The following HMGXB3 variants were observed in gnomAD, a reference collection of about 807,000 sequenced individuals.
The protein encoded by HMGXB3 is HMG domain-containing protein 3.
In HMGXB3, 45 loss-of-function variants were observed where a neutral mutation model predicts 121.5. That is an observed-to-expected ratio of 0.37 (90% CI 0.29 to 0.47). The LOEUF (loss-of-function observed/expected upper bound fraction) is 0.47. Among genes scored for constraint, HMGXB3 ranks in the 20% least tolerant of loss-of-function variants. The pLI is 0.99. For missense variants in HMGXB3, 1,376 were observed against 1,602.2 expected, an observed-to-expected ratio of 0.86 and a Z score of 2.41; for synonymous variants, 590 against 624.1, an observed-to-expected ratio of 0.95 and a Z score of 0.81.
chr5:150,028,168 C>G (rs1433673972), intron 9 of HMGXB3, among the ~76,000 whole-genome samples: 13 of 152,014 alleles, frequency 8.6e-5, no homozygotes, highest in Non-Finnish European at 1.5e-5. Flanking sequence ...CAGGAAGACT[C>G]AAAGCAGGGA....
Position 150,045,631 on chromosome 5 carries a change from G to A in HMGXB3, c.2896G>A (p.Ala966Thr). ...APFFPPLMRG[A>T]VVVNTEKDKN... Reference sequence around the variant, plus strand: ...CTTCTTCCCACCACTCATGAGAGGAGCTGTGGTCGTCAACACTGAGAAAGA... The same window carrying A: ...CTTCTTCCCACCACTCATGAGAGGAACTGTGGTCGTCAACACTGAGAAAGA... The change falls in exon 16 of 20, where the codon GCT becomes ACT. Residue 966 changes from alanine to threonine, a missense_variant. Ala to Thr is a moderately conservative substitution (Grantham distance 58). Transcript: ENST00000502717. 2 of 1,551,824 alleles carry A rather than the reference G, an allele frequency of 1.3e-6. No homozygotes were observed. The highest frequency in any genetic ancestry group is 1.7e-6 in the Non-Finnish European group (2 of 1,147,028).
Position 150,037,415 on chromosome 5 carries a change from C to T in HMGXB3, c.2301C>T (p.Pro767=). ...CTGGTACTAGCTCCCTGGCTGGGCC[C>T]CAGGAGTGCTGGCTGCTGACAGCCA... The part of the protein sequence containing the change: ...FKGGQNSLAG[P]QECWLLTASR... The change falls in exon 13 of 20, where the codon CCC becomes CCT. Residue 767 remains proline (P), a synonymous_variant. Coordinates refer to ENST00000502717, the MANE Select transcript of HMGXB3 (RefSeq NM_014983.3). 1 of 1,549,676 alleles carries T rather than the reference C, an allele frequency of 6.5e-7. No homozygotes were observed. The highest frequency in any genetic ancestry group is 8.7e-7 in the Non-Finnish European group (1 of 1,145,862).
chr5:150,038,032 A>G (rs546817096), intron 13 of HMGXB3, among the ~76,000 whole-genome samples: 1 of 152,330 alleles, frequency 6.6e-6, no homozygotes, highest in East Asian at 1.9e-4. Context: ...GACCATTTTT[A>G]TAGGGATGTA....
rs2113726686 is a variant in HMGXB3 at position 150,010,129 on chromosome 5, C to T, written c.331C>T (p.Leu111=). The T allele has an allele frequency of 2.6e-6, 4 of 1,551,424 alleles. No homozygotes were observed. In the East Asian group the frequency reaches 7.3e-5, roughly 28 times the overall value. ...GLDPNSKLSA[L]TAVVPDIPGF... is the part of the protein sequence containing the mutation. ...TCCTCAGAACTCTAAGCTCTCTGCA[C>T]TGACTGCTGTGGTTCCGGACATCCC... Residue 111 remains leucine (L), a synonymous_variant, in exon 4 of 20, where the codon CTG becomes TTG. Transcript: ENST00000502717.
intron 6 of HMGXB3, 81 bp downstream of exon 6, chr5:150,018,778 A>G (rs1756016486): frequency 7.6e-7 from 1 of 1,318,426 alleles, no homozygotes. Flanking sequence ...GTGATTTTTA[A>G]AAAGTTAACA....
At chr5:150,009,475 A>G (rs930068342) in intron 3 of HMGXB3, among the ~76,000 whole-genome samples, 3 of 152,122 alleles carry the variant, frequency 2.0e-5, no homozygotes, top group Admixed American at 6.5e-5. Flanking sequence ...AACCCCTTCT[A>G]TATATACTTT....
At chr5:150,022,531 C>T (rs764467551) in intron 6 of HMGXB3, among the ~76,000 whole-genome samples, 4 of 152,100 alleles carry the variant, frequency 2.6e-5, no homozygotes, top group African/African-American at 9.7e-5. Flanking sequence ...GTGAGATCAC[C>T]AGGTAGAGTT....
intron 4 of HMGXB3, 131 bp downstream of exon 4, chr5:150,010,739 C>T: frequency 2.2e-6 from 2 of 893,348 alleles, no homozygotes; most frequent in Non-Finnish European, 1.7e-6. Context: ...TACTGCAGTT[C>T]TCTTGAATGT....
At chr5:150,046,613 C>A (rs930224186) in intron 16 of HMGXB3, among the ~76,000 whole-genome samples, 1 of 152,008 alleles carries the variant, frequency 6.6e-6, no homozygotes, top group Non-Finnish European at 1.5e-5. Flanking sequence ...GAGATCGAGA[C>A]CATCCTGGCT....
At chr5:150,032,285 G>A (rs1437095596) in intron 10 of HMGXB3, among the ~76,000 whole-genome samples, 169 bp from the exon 11 acceptor site, 1 of 152,244 alleles carries the variant, frequency 6.6e-6, no homozygotes, top group Non-Finnish European at 1.5e-5. Context: ...TGTATTAAAA[G>A]TAAAAGAGTT....
At chr5:150,031,480 G>A (rs1047480629) in intron 10 of HMGXB3, among the ~76,000 whole-genome samples, 1 of 152,204 alleles carries the variant, frequency 6.6e-6, no homozygotes, top group Admixed American at 6.5e-5. Context: ...ATATGCCACT[G>A]GGCAAGATTC....
chr5:150,023,765 A>G (rs1756156787), intron 6 of HMGXB3, among the ~76,000 whole-genome samples: 2 of 152,254 alleles, frequency 1.3e-5, no homozygotes, highest in South Asian at 4.1e-4. Context: ...ATCTGGGACA[A>G]AAAACAGAAT....
chr5:150,048,485 G>A, intron 17 of HMGXB3, 84 bp from the exon 18 acceptor site: 1 of 929,584 alleles, frequency 1.1e-6, no homozygotes. Flanking sequence ...TGCTTTGGGT[G>A]TTGGGTGAGT....
intron 14 of HMGXB3, 83 bp downstream of exon 14, chr5:150,040,962 C>A: frequency 7.9e-7 from 1 of 1,262,282 alleles, no homozygotes; most frequent in Non-Finnish European, 1.1e-6. Context: ...TTAAAAGACT[C>A]ATTTTGAAGA....
Position 150,000,745 on chromosome 5 carries a change from T to C in HMGXB3, c.-437T>C, listed in dbSNP as rs1755537106. On this transcript the variant is annotated 5_prime_UTR_variant, in exon 1 of 20. Transcript: ENST00000502717. ...CGGGACGGGTCTCCCTGGCGATCCG[T>C]GGTGTGCCGCTACTGCCGGTGCAGC... is the stretch of plus-strand genomic sequence containing the variant. The C allele has an allele frequency of 6.5e-6, 1 of 154,476 alleles. No individual in the cohort carries two copies. The highest frequency in any genetic ancestry group is 6.5e-5 in the Admixed American group (1 of 15,274). 9.6% of individuals were successfully genotyped at this position (154,476 alleles called of 1,614,324 possible). A position where few individuals can be genotyped will look rare whatever the true frequency, so the allele number is the denominator to read the frequency against.
intron 13 of HMGXB3, among the ~76,000 whole-genome samples, chr5:150,040,062 G>A (rs963336053): frequency 1.3e-5 from 2 of 152,188 alleles, no homozygotes; most frequent in Non-Finnish European, 2.9e-5. Flanking sequence ...CTTTCCCCAG[G>A]TGAAGTTGTG....
chr5:150,051,751 C>T lies in HMGXB3; in HGVS notation c.3438C>T (p.Asp1146=), dbSNP rs1225475663. Residue 1146 remains aspartate (D), a synonymous_variant, in exon 20 of 20, where the codon GAC becomes GAT. Coordinates refer to ENST00000502717, the MANE Select transcript of HMGXB3 (RefSeq NM_014983.3). ...GTGTGTCCTGCCCAGAGCTCTTGGA[C>T]CAGCATTATACTGTGGACATGACAG... The part of the protein sequence containing the change: ...PVSVSCPELL[D]QHYTVDMTET... 5 of 1,533,488 alleles carry T rather than the reference C, an allele frequency of 3.3e-6. No homozygotes were observed. In the East Asian group the frequency reaches 7.4e-5, roughly 23 times the overall value. The allele number at this position is 1,533,488 out of a possible 1,614,324, so 95.0% of individuals were successfully genotyped here. A position where few individuals can be genotyped will look rare whatever the true frequency, so the allele number is the denominator to read the frequency against.
chr5:150,035,718 A>C (rs1224660799), intron 11 of HMGXB3, among the ~76,000 whole-genome samples: 1 of 152,174 alleles, frequency 6.6e-6, no homozygotes, highest in Admixed American at 6.5e-5. Context: ...GGAGTGATTT[A>C]TGCTGCCTTG....
At chr5:150,011,358 C>T (rs1755832039) in intron 4 of HMGXB3, among the ~76,000 whole-genome samples, 1 of 152,160 alleles carries the variant, frequency 6.6e-6, no homozygotes, top group Non-Finnish European at 1.5e-5. Flanking sequence ...AAACTGCTAC[C>T]ATGCCATAGT....
Sources: gnomAD v4.1 joint callset for allele counts (sites outside exome capture counted in the v4.1 genomes callset) on GRCh38, gnomAD v4.1.1 for gene constraint, MANE v1.5 for transcripts, NCBI Gene and HGNC (gene_info 2026-07-23, HGNC 2026-07-21) for gene names.